The following ZNF723 variants were observed in gnomAD, a reference collection of about 807,000 sequenced individuals.
The protein encoded by ZNF723 is zinc finger protein 723.
ZNF723 carries 5 observed loss-of-function variants against 9.4 expected under a neutral mutation model. The observed-to-expected ratio is 0.53, with a 90% CI of 0.28 to 1.12. The LOEUF (loss-of-function observed/expected upper bound fraction) is 1.12, where lower values mean the gene tolerates loss of function less well. Ranked by LOEUF, ZNF723 falls within the 50% of genes most tolerant of loss-of-function variation. The pLI, the probability that ZNF723 is intolerant of heterozygous loss-of-function variation, is 0.10. For missense variants in ZNF723, 450 were observed against 501.5 expected (o/e 0.90, Z 0.98); for synonymous variants, 158 against 168.8 (o/e 0.94, Z 0.49).
intron 1 of ZNF723, among the ~76,000 whole-genome samples, chr19:22,837,190 A>T (rs1469365549): frequency 6.6e-6 from 1 of 151,730 alleles, no homozygotes; most frequent in Non-Finnish European, 1.5e-5. Flanking sequence ...CTACTTGGGA[A>T]GCTGAGGCAG....
chr19:22,820,510 G>A, the ZNF723 span, among the ~76,000 whole-genome samples: 1 of 152,094 alleles, frequency 6.6e-6, no homozygotes, highest in Non-Finnish European at 1.5e-5. Context: ...TGACTCTCCT[G>A]CTTCCTTCCT....
chr19:22,814,773 C>G, the ZNF723 span, among the ~76,000 whole-genome samples: 1 of 152,156 alleles, frequency 6.6e-6, no homozygotes, highest in Non-Finnish European at 1.5e-5. Context: ...CTGGGCCCTA[C>G]AGATGGAATT....
At chr19:22,817,844 C>T in the ZNF723 span, among the ~76,000 whole-genome samples, 16 of 152,074 alleles carry the variant, frequency 1.1e-4, no homozygotes, top group Non-Finnish European at 2.1e-4. Flanking sequence ...TGTCATATAA[C>T]GCCTTTGGGT....
Position 22,845,658 on chromosome 19 carries a change from C to A in ZNF723, c.4-2603C>A, listed in dbSNP as rs1437906465. Among the ~76,000 whole-genome samples the A allele has an allele frequency of 3.4e-5, 5 of 149,230 alleles. No individual in the cohort carries two copies. The Admixed American group carries it at 3.4e-4, about 10-fold the overall frequency. On this transcript the variant is annotated intron_variant, in intron 1 of 3. Transcript: ENST00000600766. Reference sequence around the variant, plus strand: ...GAGAGGAAAGGAGAAACTTTTATTTCTTCTTCATGGGGAAACTCATTGTTC... The same window carrying A: ...GAGAGGAAAGGAGAAACTTTTATTTATTCTTCATGGGGAAACTCATTGTTC...
upstream of ZNF723, among the ~76,000 whole-genome samples, chr19:22,827,513 T>A (rs1267509135): frequency 6.6e-6 from 1 of 152,020 alleles, no homozygotes; most frequent in African/African-American, 2.4e-5. Flanking sequence ...AGTGGCATGA[T>A]CTTGGCTTAC....
At chr19:22,831,621 A>G (rs879635440), upstream of ZNF723, among the ~76,000 whole-genome samples, 10 of 149,308 alleles carry the variant, frequency 6.7e-5, no homozygotes, top group African/African-American at 2.5e-4. Flanking sequence ...CTTTTTAAAA[A>G]AAATCTTGGC....
At chr19:22,852,804 G>T (rs1429608466) in intron 3 of ZNF723, among the ~76,000 whole-genome samples, 1 of 151,928 alleles carries the variant, frequency 6.6e-6, no homozygotes, top group Non-Finnish European at 1.5e-5. Flanking sequence ...ACATTGAACA[G>T]CTACCAGTTT....
the ZNF723 span, among the ~76,000 whole-genome samples, chr19:22,815,195 G>A: frequency 6.6e-6 from 1 of 152,224 alleles, no homozygotes; most frequent in South Asian, 2.1e-4. Flanking sequence ...TTTAGGTATT[G>A]TTACATATTG....
intron 3 of ZNF723, among the ~76,000 whole-genome samples, chr19:22,851,528 C>T (rs533739870): frequency 6.6e-6 from 1 of 152,062 alleles, no homozygotes; most frequent in East Asian, 1.9e-4. Context: ...ATAATGGACT[C>T]ATTTTAGGAT....
At chr19:22,835,736 T>A (rs151325255) in intron 1 of ZNF723, among the ~76,000 whole-genome samples, 1 of 152,184 alleles carries the variant, frequency 6.6e-6, no homozygotes. Flanking sequence ...CATAGATTCA[T>A]GAAAACAACA....
the ZNF723 span, among the ~76,000 whole-genome samples, chr19:22,817,715 A>T: frequency 6.6e-6 from 1 of 152,188 alleles, no homozygotes; most frequent in African/African-American, 2.4e-5. Flanking sequence ...ATTATGATTG[A>T]TACGTTGAAT....
At chr19:22,816,416 A>G in the ZNF723 span, among the ~76,000 whole-genome samples, 2 of 152,204 alleles carry the variant, frequency 1.3e-5, no homozygotes, top group Non-Finnish European at 2.9e-5. Flanking sequence ...CACTAAAGGG[A>G]CACTGTCTGC....
the ZNF723 span, among the ~76,000 whole-genome samples, chr19:22,825,329 A>T: frequency 1.3e-5 from 2 of 152,218 alleles, no homozygotes; most frequent in Non-Finnish European, 2.9e-5. Flanking sequence ...ACTTGCACAT[A>T]ACTCACAGGA....
chr19:22,857,775 A>G lies in ZNF723; in HGVS notation c.884A>G (p.Asn295Ser), dbSNP rs1599482646. 2 of 1,311,436 alleles carry G rather than the reference A, an allele frequency of 1.5e-6. No homozygotes were observed. Among genetic ancestry groups the G allele is most frequent in the Non-Finnish European group, 2.2e-6 (2 of 905,540 alleles). The allele number at this position is 1,311,436 out of a possible 1,614,324, so 81.2% of individuals were successfully genotyped here. The change falls in exon 4 of 4, where the codon AAT becomes AGT. Residue 295 changes from asparagine (N) to serine (S), a missense_variant. Asn to Ser is a conservative substitution (Grantham distance 46). This residue lies in a region of ZNF723 where 237 missense variants were observed against 332.2 expected (regional missense o/e 0.71). Transcript: ENST00000600766. ...TGTAAAGAATGTGGCAAAGCCTTTA[A>G]TGTGTTCTCAAGCCTTAATAATCAT... ...YKCKECGKAFNVFSSLNNHKR... is the reference protein window; with the variant it reads ...YKCKECGKAFSVFSSLNNHKR...
the ZNF723 span, among the ~76,000 whole-genome samples, chr19:22,826,960 C>G: frequency 1.3e-5 from 2 of 152,170 alleles, no homozygotes; most frequent in Non-Finnish European, 2.9e-5. Context: ...TGCTTTTAAC[C>G]TACTTCATAA....
At chr19:22,821,228 G>A in the ZNF723 span, among the ~76,000 whole-genome samples, 5 of 152,288 alleles carry the variant, frequency 3.3e-5, no homozygotes, top group South Asian at 2.1e-4. Flanking sequence ...GCTTGCAGGC[G>A]TGATTGTGAC....
chr19:22,853,734 C>T (rs1967429928), intron 3 of ZNF723, among the ~76,000 whole-genome samples: 1 of 152,142 alleles, frequency 6.6e-6, no homozygotes, highest in African/African-American at 2.4e-5. Flanking sequence ...CCTGCCTCAG[C>T]CTTCCAAGTA....
Position 22,832,329 on chromosome 19 carries a change from T to A in ZNF723, c.-51T>A. On this transcript the variant is annotated 5_prime_UTR_variant, in exon 1 of 4. The change abolishes an upstream ATG in the 5' untranslated region. Transcript: ENST00000600766. Reference sequence around the variant, plus strand: ...GGTCTCTGTGGCCTCCTGACCTACATGCATTGGGAGATCCACAGCTAAGAC... The same window carrying A: ...GGTCTCTGTGGCCTCCTGACCTACAAGCATTGGGAGATCCACAGCTAAGAC... 7.3e-7 allele frequency: 1 copy of A among 1,371,970 alleles called. No individual in the cohort carries two copies. 85.0% of individuals were successfully genotyped at this position (1,371,970 alleles called of 1,614,324 possible).
upstream of ZNF723, among the ~76,000 whole-genome samples, chr19:22,830,779 T>C (rs1055529258): frequency 6.6e-6 from 1 of 152,176 alleles, no homozygotes; most frequent in East Asian, 1.9e-4. Flanking sequence ...CTTTTTCTTT[T>C]TGAGATGGAG....
Sources: gnomAD v4.1 joint callset for allele counts (sites outside exome capture counted in the v4.1 genomes callset) on GRCh38, gnomAD v4.1.1 for gene constraint, gnomAD v4.1.1 regional missense constraint, MANE v1.5 for transcripts, NCBI Gene and HGNC (gene_info 2026-07-23, HGNC 2026-07-21) for gene names.